ADGRG4: variants seen among roughly 807,000 people sequenced by gnomAD.
ADGRG4 encodes the protein G protein-coupled receptor 112.
A neutral mutation model predicts 126.2 loss-of-function variants in ADGRG4; 122 were observed. The ratio of observed to expected loss-of-function variants is 0.97; its 90% CI spans 0.83 to 1.12. The LOEUF (loss-of-function observed/expected upper bound fraction) is 1.12, where lower values mean the gene tolerates loss of function less well. ADGRG4 is among the 50% of genes most tolerant of loss of function. The pLI is 0.00. For missense variants in ADGRG4, 2,481 were observed against 2,251.8 expected (o/e 1.10, Z -2.06); for synonymous variants, 943 against 838.7 (o/e 1.12, Z -2.15).
rs567340291 is a variant in ADGRG4, at chrX:136,350,404, C to G, written c.6698C>G (p.Ser2233Trp). The G allele has an allele frequency of 2.5e-6, 3 of 1,207,460 alleles. No homozygotes were observed. The highest frequency in any genetic ancestry group is 3.4e-6 in the Non-Finnish European group (3 of 893,507). ...CCTTCCTTTCTATCTACGGAAGCATCGACTTCGCCTACTGCCACCAAGTCC... is the reference window on the plus strand; with the variant it reads ...CCTTCCTTTCTATCTACGGAAGCATGGACTTCGCCTACTGCCACCAAGTCC... ...STPSFLSTEA[S>W]TSPTATKSTV... Residue 2233 changes from serine (S) to tryptophan (W), a missense_variant, in exon 6 of 26, where the codon TCG becomes TGG. By Grantham distance (177) the Ser-to-Trp change is radical. Transcript: ENST00000394143.
At chrX:136,361,332 A>G (rs184173238) in intron 11 of ADGRG4, 123 bp from the exon 12 acceptor site, 59 of 277,018 alleles carry the variant, frequency 2.1e-4, no homozygotes, top group African/African-American at 1.8e-3. Context: ...TACGTGCAGC[A>G]TAATAATGAC....
chrX:136,321,585 A>C (rs138023196), intron 4 of ADGRG4, among the ~76,000 whole-genome samples: 89 of 111,613 alleles, frequency 8.0e-4, no homozygotes, highest in African/African-American at 2.7e-3. Context: ...ATTCTGCCAC[A>C]GAGCTCTTTA....
chrX:136,412,667 G>A (rs1041582282), intron 24 of ADGRG4, among the ~76,000 whole-genome samples: 9 of 112,469 alleles, frequency 8.0e-5, no homozygotes, highest in Non-Finnish European at 9.4e-5. Flanking sequence ...TGCCTACTGT[G>A]TTCCAGGCAC....
chrX:136,363,544 C>A lies in ADGRG4; in HGVS notation c.7345C>A (p.Gln2449Lys). 8.3e-7 allele frequency: 1 copy of A among 1,198,468 alleles called. No homozygotes were observed. The highest frequency in any genetic ancestry group is 1.1e-6 in the Non-Finnish European group (1 of 883,433). Residue 2449 changes from glutamine (Q) to lysine (K), a missense_variant, in exon 13 of 26, where the codon CAA (glutamine) becomes AAA (lysine). Gln to Lys is a moderately conservative substitution (Grantham distance 53, BLOSUM62 1). Transcript: ENST00000394143. The stretch of plus-strand genomic sequence containing the variant: ...AAAGTTTAAACAATGCAAATTGCTT[C>A]AAGAACTTCCTGACAAGATTGTGGA... The part of the protein sequence containing the change: ...KPKFKQCKLL[Q>K]ELPDKIVDLA...
At position 136,344,784 on chromosome X, in the gene ADGRG4, A is replaced by G. The variant is rs1603294480; in HGVS notation, c.1078A>G (p.Met360Val). The G allele has an allele frequency of 8.3e-7, 1 of 1,209,458 alleles. No homozygotes were observed. The highest frequency in any genetic ancestry group is 1.1e-6 in the Non-Finnish European group (1 of 893,799). ...AAAGACAACAAAAATGGTTGAAGCC[A>G]TGGCTACTGAAATCTTTCAACCACC... ...STKTTKMVEA[M>V]ATEIFQPPTP... is the part of the protein sequence containing the mutation. The change falls in exon 6 of 26, where the codon ATG becomes GTG. Residue 360 changes from methionine (M) to valine (V), a missense_variant. Coordinates refer to ENST00000394143, the MANE Select transcript of ADGRG4 (RefSeq NM_153834.4).
Position 136,413,739 on chromosome X carries a change from TG to T in ADGRG4, c.9038-420del, listed in dbSNP as rs374077084. ...AGCTTTGTTTTTTTGTTTTTGTTTT[TG>T]TTTTTGTTTTTTTTTTTGAGACAGA... On this transcript the variant is annotated intron_variant, in intron 24 of 25. Coordinates refer to ENST00000394143, the MANE Select transcript of ADGRG4 (RefSeq NM_153834.4). Among the ~76,000 whole-genome samples the T allele has an allele frequency of 3.4e-4, 18 of 52,676 alleles. No individual in the cohort carries two copies. The East Asian group carries it at 6.3e-3, about 18-fold the overall frequency. 45.7% of individuals were successfully genotyped at this position (52,676 alleles called of 115,157 possible).
intron 4 of ADGRG4, among the ~76,000 whole-genome samples, chrX:136,311,835 C>T (rs183625481): frequency 1.8e-5 from 2 of 110,642 alleles, no homozygotes; most frequent in Admixed American, 1.9e-4. Context: ...AGGAAAAGCC[C>T]TATCTTTTCT....
intron 5 of ADGRG4, among the ~76,000 whole-genome samples, chrX:136,339,165 G>A (rs752575462): frequency 9.0e-6 from 1 of 111,451 alleles, no homozygotes; most frequent in Admixed American, 9.5e-5. Flanking sequence ...GCCACCTGCT[G>A]CTGGAGAGTC....
chrX:136,394,607 A>G (rs1334484763), intron 18 of ADGRG4, among the ~76,000 whole-genome samples: 3 of 111,722 alleles, frequency 2.7e-5, no homozygotes, highest in Non-Finnish European at 5.7e-5. Context: ...CAACCTCAAT[A>G]TGTTGATCTC....
At chrX:136,402,662 A>T (rs992894407) in intron 21 of ADGRG4, among the ~76,000 whole-genome samples, 23 of 111,340 alleles carry the variant, frequency 2.1e-4, no homozygotes, top group African/African-American at 7.2e-4. Context: ...CCCTGTGTCT[A>T]CACTCTCCTC....
Position 136,389,768 on chromosome X carries a change from G to A in ADGRG4, c.7911+1894G>A, listed in dbSNP as rs189777823. Among the ~76,000 whole-genome samples, 190 of 111,772 alleles carry A rather than the reference G, an allele frequency of 1.7e-3. 1 individual carries two copies. Among genetic ancestry groups the A allele is most frequent in the African/African-American group, 6.0e-3 (183 of 30,721 alleles). On this transcript the variant is annotated intron_variant, in intron 16 of 25. Transcript: ENST00000394143. ...TGTCTTGTACGGTGCTGAATGCTGAGGATGCAATGCTGAGCAAGATACATA... is the reference window on the plus strand; with the variant it reads ...TGTCTTGTACGGTGCTGAATGCTGAAGATGCAATGCTGAGCAAGATACATA...
chrX:136,407,978 C>G (rs2075424706), intron 23 of ADGRG4, among the ~76,000 whole-genome samples: 1 of 112,095 alleles, frequency 8.9e-6, no homozygotes, highest in Non-Finnish European at 1.9e-5. Flanking sequence ...CCTGTGAAGA[C>G]TTCATCCACA....
At chrX:136,341,363 A>T (rs918605056) in intron 5 of ADGRG4, among the ~76,000 whole-genome samples, 20 of 112,371 alleles carry the variant, frequency 1.8e-4, no homozygotes, top group African/African-American at 5.2e-4. Flanking sequence ...AAGGAGAGGG[A>T]ATTGTGAACT....
At chrX:136,410,020 A>T (rs1330663701) in intron 23 of ADGRG4, among the ~76,000 whole-genome samples, 1 of 112,377 alleles carries the variant, frequency 8.9e-6, no homozygotes, top group African/African-American at 3.2e-5. Flanking sequence ...AGTTCCCTCA[A>T]CTATAAAAAT....
rs765131609 is a variant in ADGRG4 at position 136,344,726 on chromosome X, GA to G, written c.1027del (p.Thr343ArgfsTer138). ...ISIDNTTNSM[K>X]KTKSPSSEST... ...CCATAGACAATACTACCAATTCCAT[GA>G]AAAAAACGAAATCTCCATCTTCAGA... is the stretch of plus-strand genomic sequence containing the variant. On this transcript the variant is annotated frameshift_variant, in exon 6 of 26. Transcript: ENST00000394143. LOFTEE classifies it high-confidence loss of function. 7.2e-5 allele frequency: 87 copies of G among 1,205,966 alleles called. No individual in the cohort carries two copies. The highest frequency in any genetic ancestry group is 9.2e-5 in the Non-Finnish European group (82 of 892,885).
At chrX:136,379,520 C>T (rs973463245) in intron 15 of ADGRG4, among the ~76,000 whole-genome samples, 1 of 105,314 alleles carries the variant, frequency 9.5e-6, no homozygotes, top group Middle Eastern at 4.6e-3. Context: ...CTCTTCTCCT[C>T]TCCTCTCCCT....
chrX:136,376,627 GGTATTGTATTGTATTGTATTGTATT>G (rs138629547), intron 15 of ADGRG4, among the ~76,000 whole-genome samples: 61 of 86,187 alleles, frequency 7.1e-4, no homozygotes, highest in Admixed American at 1.2e-3. Context: ...TATATTCCTG[GGTATTGTATTGTATTGTATTGTATT>G]GTATTGTATT....
chrX:136,315,390 C>G (rs1211671671), intron 4 of ADGRG4, among the ~76,000 whole-genome samples: 1 of 111,176 alleles, frequency 9.0e-6, no homozygotes, highest in Non-Finnish European at 1.9e-5. Context: ...AGACTCCCTC[C>G]TCAAGTGAGT....
intron 15 of ADGRG4, among the ~76,000 whole-genome samples, chrX:136,383,316 G>T (rs2075273349): frequency 9.0e-6 from 1 of 110,938 alleles, no homozygotes; most frequent in Admixed American, 9.5e-5. Context: ...TTATTTTGGG[G>T]CTCTTTTATT....
Sources: gnomAD v4.1 joint callset for allele counts (sites outside exome capture counted in the v4.1 genomes callset) on GRCh38, gnomAD v4.1.1 for gene constraint, MANE v1.5 for transcripts, NCBI Gene and HGNC (gene_info 2026-07-23, HGNC 2026-07-21) for gene names.